The following PHC2 variants were observed in gnomAD, a reference collection of about 807,000 sequenced individuals.
PHC2 encodes the protein polyhomeotic-like protein 2.
Under a neutral mutation model 87.4 loss-of-function variants are expected in PHC2, and 29 were observed. That is an observed-to-expected ratio of 0.33 (90% CI 0.25 to 0.45). PHC2 has a LOEUF of 0.45. Ranked by LOEUF, PHC2 falls within the 20% of genes least tolerant of loss-of-function variation. The pLI, the probability that PHC2 is intolerant of heterozygous loss-of-function variation, is 1.00. For missense variants in PHC2, 857 were observed against 1,136.7 expected (o/e 0.75, Z 3.54); for synonymous variants, 438 against 461.7 (o/e 0.95, Z 0.66).
At chr1:33,384,890 A>G (rs1648663146) in intron 1 of PHC2, among the ~76,000 whole-genome samples, 2 of 152,228 alleles carry the variant, frequency 1.3e-5, no homozygotes, top group South Asian at 4.1e-4. Context: ...AGGAATGAAT[A>G]AAGCTTGAAG....
intron 1 of PHC2, among the ~76,000 whole-genome samples, chr1:33,380,638 A>G (rs1648448704): frequency 6.6e-6 from 1 of 152,244 alleles, no homozygotes; most frequent in Admixed American, 6.5e-5. Context: ...TTGCAATGGA[A>G]TGAACACGGC....
At chr1:33,346,060 T>C in intron 9 of PHC2, 3 of 985,378 alleles carry the variant, frequency 3.0e-6, no homozygotes, top group Non-Finnish European at 3.6e-6. Context: ...CATAAATCTA[T>C]GTGTTCAGAC....
chr1:33,343,576 C>A (rs2148243536), intron 9 of PHC2, among the ~76,000 whole-genome samples: 1 of 151,222 alleles, frequency 6.6e-6, no homozygotes, highest in East Asian at 2.0e-4. Context: ...ATACTTATAT[C>A]TGTCTTACAT....
intron 1 of PHC2, among the ~76,000 whole-genome samples, chr1:33,429,180 A>C (rs1031849592): frequency 2.6e-5 from 4 of 152,152 alleles, no homozygotes; most frequent in African/African-American, 7.2e-5. Context: ...ACTCCTATTC[A>C]ACCTCCACAT....
rs1649153731 is a variant in PHC2 at position 33,393,366 on chromosome 1, A to G, written c.-54-17773T>C. Among the ~76,000 whole-genome samples the G allele has an allele frequency of 2.0e-5, 3 of 152,098 alleles. No individual in the cohort carries two copies. In the South Asian group the frequency reaches 6.2e-4, roughly 32 times the overall value. ...CCTCATCTGTGCCCATGCTGGCCTC[A>G]AGTGCATTCTTCCTGGTGCTGACTG... is the stretch of plus-strand genomic sequence containing the variant. On this transcript the variant is annotated intron_variant, in intron 1 of 14. Transcript: ENST00000683057.
intron 1 of PHC2, among the ~76,000 whole-genome samples, chr1:33,399,010 T>G (rs964817801): frequency 6.6e-6 from 1 of 152,182 alleles, no homozygotes; most frequent in Non-Finnish European, 1.5e-5. Flanking sequence ...TTTACAGTAT[T>G]GGAAGAACAA....
chr1:33,414,268 C>T (rs1317625039), intron 1 of PHC2, among the ~76,000 whole-genome samples: 2 of 151,858 alleles, frequency 1.3e-5, no homozygotes, highest in Admixed American at 6.6e-5. Flanking sequence ...TAACCTGCCC[C>T]AGGATAGATT....
Position 33,324,547 on chromosome 1 carries a change from AC to A in PHC2, c.*317del, listed in dbSNP as rs767805433. The A allele has an allele frequency of 1.3e-5, 3 of 229,014 alleles. No individual in the cohort carries two copies. The highest frequency in any genetic ancestry group is 2.5e-5 in the Non-Finnish European group (3 of 117,864). 14.2% of individuals were successfully genotyped at this position (229,014 alleles called of 1,614,324 possible). ...TCAGGTTGGGGAGCCCTGACCATAT[AC>A]CCCCTGGAAAATGGGGGACAGAAAG... On this transcript the variant is annotated 3_prime_UTR_variant, in exon 15 of 15. Coordinates refer to ENST00000683057, the MANE Select transcript of PHC2 (RefSeq NM_001385109.1).
chr1:33,407,903 G>C (rs866353397), intron 1 of PHC2, among the ~76,000 whole-genome samples: 4 of 152,118 alleles, frequency 2.6e-5, no homozygotes, highest in Non-Finnish European at 4.4e-5. Flanking sequence ...GCTTTCTCAG[G>C]AGCTGGCATT....
chr1:33,389,034 TC>T (rs1648912564), intron 1 of PHC2, among the ~76,000 whole-genome samples: 1 of 146,280 alleles, frequency 6.8e-6, no homozygotes, highest in African/African-American at 2.6e-5. Context: ...AAAGCCCCAT[TC>T]TCAAGTCCAA....
intron 1 of PHC2, among the ~76,000 whole-genome samples, chr1:33,410,888 A>G (rs1156497208): frequency 6.6e-6 from 1 of 152,188 alleles, no homozygotes; most frequent in East Asian, 1.9e-4. Context: ...ATATAAAGAG[A>G]ACAAACATCA....
At chr1:33,426,558 C>T (rs1186001355) in intron 1 of PHC2, among the ~76,000 whole-genome samples, 1 of 152,180 alleles carries the variant, frequency 6.6e-6, no homozygotes, top group African/African-American at 2.4e-5. Flanking sequence ...ATAACTCTCT[C>T]CAGTAATACC....
intron 1 of PHC2, among the ~76,000 whole-genome samples, chr1:33,406,205 T>G (rs1428793578): frequency 6.6e-6 from 1 of 152,210 alleles, no homozygotes. Flanking sequence ...ATTCTTAGAT[T>G]TTCCTGGTAA....
At chr1:33,396,216 G>A (rs1649288462) in intron 1 of PHC2, among the ~76,000 whole-genome samples, 1 of 152,158 alleles carries the variant, frequency 6.6e-6, no homozygotes. Flanking sequence ...AGAGCCTGCT[G>A]TTTTCTATAG....
At position 33,367,274 on chromosome 1, in the gene PHC2, T is replaced by C. The variant is rs1647513897; in HGVS notation, c.818A>G (p.Gln273Arg). ...PTPAQSRNTA[Q>R]ASPAGAKPGI... ...AGGCTTGGCACCTGCAGGGGAAGCC[T>C]GAGCAGTATTTCTGCTCTGTGCTGG... Residue 273 changes from glutamine to arginine, a missense_variant, in exon 7 of 15, where the codon CAG (glutamine) becomes CGG (arginine). Coordinates refer to ENST00000683057, the MANE Select transcript of PHC2 (RefSeq NM_001385109.1). 6.2e-7 allele frequency: 1 copy of C among 1,614,050 alleles called. No individual in the cohort carries two copies. The highest frequency in any genetic ancestry group is 1.7e-5 in the Admixed American group (1 of 60,010).
At position 33,357,642 on chromosome 1, in the gene PHC2, G is replaced by A. The variant is rs552327524; in HGVS notation, c.977-2389C>T. On this transcript the variant is annotated intron_variant, in intron 7 of 14. Transcript: ENST00000683057. The stretch of plus-strand genomic sequence containing the variant: ...GTGGAAATGCCAGCAGACATTTGGT[G>A]ATTATAAACTGACCCCAATCTAAGC... 1.8e-4 allele frequency among the ~76,000 whole-genome samples: 28 copies of A among 152,270 alleles called. No homozygotes were observed. The East Asian group carries it at 4.4e-3, about 24-fold the overall frequency.
At position 33,334,273 on chromosome 1, in the gene PHC2, A is replaced by C. The variant is rs777110756; in HGVS notation, c.1578T>G (p.Val526=). 1 of 1,612,760 alleles carries C rather than the reference A, an allele frequency of 6.2e-7. No homozygotes were observed. The highest frequency in any genetic ancestry group is 1.1e-5 in the South Asian group (1 of 90,932). Residue 526 remains valine, a synonymous_variant, in exon 10 of 15, where the codon GTT becomes GTG. Coordinates refer to ENST00000683057, the MANE Select transcript of PHC2 (RefSeq NM_001385109.1). The surrounding 1 kb of genome is among the most constrained non-coding windows in gnomAD (Gnocchi z 5.5). ...SPAHETGQGI[V]HALTDLSSPG... ...GGCTGCTGAGGTCGGTCAGTGCATGAACAATGCCCTGCCCTGTCTCTGCAC... is the reference window on the plus strand; with the variant it reads ...GGCTGCTGAGGTCGGTCAGTGCATGCACAATGCCCTGCCCTGTCTCTGCAC...
intron 1 of PHC2, among the ~76,000 whole-genome samples, chr1:33,402,839 T>C (rs1649595218): frequency 6.6e-6 from 1 of 152,034 alleles, no homozygotes; most frequent in Non-Finnish European, 1.5e-5. Context: ...AAAACTCTTT[T>C]TTTTGAGATG....
chr1:33,399,897 ACTATG>A (rs1304905257), intron 1 of PHC2, among the ~76,000 whole-genome samples: 1 of 152,194 alleles, frequency 6.6e-6, no homozygotes, highest in Non-Finnish European at 1.5e-5. Flanking sequence ...TTCCATAGAA[ACTATG>A]TTTCTGGAAA....
Sources: gnomAD v4.1 joint callset for allele counts (sites outside exome capture counted in the v4.1 genomes callset) on GRCh38, gnomAD v4.1.1 for gene constraint, Gnocchi (gnomAD v3.1) non-coding constraint, MANE v1.5 for transcripts, NCBI Gene and HGNC (gene_info 2026-07-23, HGNC 2026-07-21) for gene names.